SLMAP: variants seen among roughly 807,000 people sequenced by gnomAD.
SLMAP encodes the protein sarcolemma associated protein.
In SLMAP, 44 loss-of-function variants were observed where a neutral mutation model predicts 128.8. The observed-to-expected ratio is 0.34, with a 90% CI of 0.27 to 0.44. The LOEUF (loss-of-function observed/expected upper bound fraction) is 0.44. Among genes scored for constraint, SLMAP ranks in the 20% least tolerant of loss-of-function variants. The pLI, the probability that SLMAP is intolerant of heterozygous loss-of-function variation, is 1.00. For missense variants in SLMAP, 787 were observed against 985.3 expected (o/e 0.80, Z 2.69); for synonymous variants, 327 against 348.8 (o/e 0.94, Z 0.70).
At chr3:57,845,550 A>G (rs763817104) in intron 4 of SLMAP, among the ~76,000 whole-genome samples, 1 of 152,192 alleles carries the variant, frequency 6.6e-6, no homozygotes, top group Admixed American at 6.6e-5. Context: ...TACTCAGTCA[A>G]CCTTCAAGCT....
chr3:57,887,154 G>A lies in SLMAP; in HGVS notation c.1301-2887G>A, dbSNP rs368202342. ...GCACCAGGAATAAAGAGAAGATTCC[G>A]AAACCTTCTAGAGAGAAACAAAGGA... On this transcript the variant is annotated intron_variant, in intron 14 of 24. Transcript: ENST00000671191. 2.3e-4 allele frequency among the ~76,000 whole-genome samples: 35 copies of A among 151,770 alleles called. No homozygotes were observed. The South Asian group carries it at 5.4e-3, about 23-fold the overall frequency.
intron 14 of SLMAP, among the ~76,000 whole-genome samples, chr3:57,881,846 A>C (rs911177151): frequency 1.3e-5 from 2 of 152,170 alleles, no homozygotes; most frequent in African/African-American, 4.8e-5. Context: ...AATAGCAGCT[A>C]ATTAGCCAGG....
intron 2 of SLMAP, among the ~76,000 whole-genome samples, chr3:57,818,655 C>T (rs2092190326): frequency 6.6e-6 from 1 of 152,150 alleles, no homozygotes; most frequent in Non-Finnish European, 1.5e-5. Flanking sequence ...CTTGCTTTCT[C>T]TTGTTAAAAC....
At chr3:57,761,527 T>C (rs4681756) in intron 2 of SLMAP, among the ~76,000 whole-genome samples, 9,108 of 151,790 alleles carry the variant, frequency 0.06, 381 homozygotes, top group Non-Finnish European at 0.088. Context: ...ACTCCTGACC[T>C]CAGGTGATCC....
chr3:57,849,948 A>G lies in SLMAP; in HGVS notation c.519+132A>G, dbSNP rs752938461. 8.0e-5 allele frequency: 50 copies of G among 621,788 alleles called. 1 individual carries two copies. Among genetic ancestry groups the G allele is most frequent in the Non-Finnish European group, 1.3e-4 (46 of 352,020 alleles). 38.5% of individuals were successfully genotyped at this position (621,788 alleles called of 1,614,324 possible). ...CAGGACTTTGGGAGGCCTAGGCAGA[A>G]GGATTCTTTGAGGCCAAGAGTTTGA... On this transcript the variant is annotated intron_variant, in intron 6 of 24. Coordinates refer to ENST00000671191, the MANE Select transcript of SLMAP (RefSeq NM_001377540.1).
Position 57,852,815 on chromosome 3 carries a change from A to T in SLMAP, c.519+2999A>T, listed in dbSNP as rs1356829914. Among the ~76,000 whole-genome samples the T allele has an allele frequency of 2.0e-5, 3 of 152,238 alleles. No individual in the cohort carries two copies. In the East Asian group the frequency reaches 5.8e-4, roughly 29 times the overall value. The stretch of plus-strand genomic sequence containing the variant: ...CTCCCTCACTCTCTCACTCTTTCCA[A>T]CCTTCTTGTTCTGTGAATATCCCTA... On this transcript the variant is annotated intron_variant, in intron 6 of 24. Transcript: ENST00000671191.
intron 21 of SLMAP, among the ~76,000 whole-genome samples, chr3:57,916,670 GT>G (rs1312600468): frequency 1.3e-5 from 2 of 152,078 alleles, no homozygotes; most frequent in Non-Finnish European, 2.9e-5. Flanking sequence ...TCCTATTTCT[GT>G]TTTTAAAATT....
At chr3:57,853,289 C>G (rs557669637) in intron 6 of SLMAP, among the ~76,000 whole-genome samples, 1 of 152,072 alleles carries the variant, frequency 6.6e-6, no homozygotes, top group Admixed American at 6.5e-5. Context: ...ATTCTTTAAC[C>G]GATAGCTTTA....
rs372758327 is a variant in SLMAP, at chr3:57,909,106, G to A, written c.1655G>A (p.Arg552Gln). The change falls in exon 19 of 25, where the codon CGA (arginine) becomes CAA (glutamine). Residue 552 changes from arginine to glutamine, a missense_variant. Physicochemically the swap from Arg to Gln is conservative, Grantham distance 43 (BLOSUM62 1). Coordinates refer to ENST00000671191, the MANE Select transcript of SLMAP (RefSeq NM_001377540.1). ...ALLEEERKAY[R>Q]NQVEESTKQI... ...TTGGAAGAAGAAAGAAAAGCCTATC[G>A]AAATCAAGTTGAGGAATCCACTAAA... 20 of 1,611,598 alleles carry A rather than the reference G, an allele frequency of 1.2e-5. No individual in the cohort carries two copies. Among genetic ancestry groups the A allele is most frequent in the Middle Eastern group, 3.3e-4 (2 of 6,074 alleles).
At chr3:57,785,721 C>T (rs2083952959) in intron 2 of SLMAP, among the ~76,000 whole-genome samples, 1 of 152,110 alleles carries the variant, frequency 6.6e-6, no homozygotes, top group South Asian at 2.1e-4. Flanking sequence ...TGAATACCAC[C>T]TAAAGTGGTA....
At chr3:57,882,779 TGA>T (rs1291951935) in intron 14 of SLMAP, among the ~76,000 whole-genome samples, 4 of 152,132 alleles carry the variant, frequency 2.6e-5, no homozygotes, top group African/African-American at 9.7e-5. Context: ...TTTCTAAGGG[TGA>T]GAGAGTTTGG....
chr3:57,921,905 A>G (rs1170646332), intron 22 of SLMAP, among the ~76,000 whole-genome samples: 1 of 152,030 alleles, frequency 6.6e-6, no homozygotes, highest in Non-Finnish European at 1.5e-5. Context: ...GGGTTTTGCC[A>G]TGTTGGCCAG....
At chr3:57,839,853 C>A (rs1417174195) in intron 3 of SLMAP, among the ~76,000 whole-genome samples, 1 of 152,106 alleles carries the variant, frequency 6.6e-6, no homozygotes, top group Non-Finnish European at 1.5e-5. Flanking sequence ...CCATGCCTGG[C>A]CTAATTTTTG....
chr3:57,897,187 T>A (rs1575917982), intron 17 of SLMAP: 2 of 1,052,634 alleles, frequency 1.9e-6, no homozygotes, highest in Non-Finnish European at 2.5e-6. Flanking sequence ...TGCAGCTGTG[T>A]TTTTTGTTTA....
intron 6 of SLMAP, among the ~76,000 whole-genome samples, chr3:57,852,815 A>G (rs1356829914): frequency 3.3e-5 from 5 of 152,120 alleles, no homozygotes; most frequent in East Asian, 3.8e-4. Context: ...ACTCTTTCCA[A>G]CCTTCTTGTT....
At chr3:57,826,532 C>T (rs776759195) in intron 2 of SLMAP, among the ~76,000 whole-genome samples, 4 of 152,092 alleles carry the variant, frequency 2.6e-5, no homozygotes, top group Non-Finnish European at 5.9e-5. Context: ...TGGTGGCTTC[C>T]TTTCCCCTTC....
chr3:57,800,156 G>C (rs1480551007), intron 2 of SLMAP: 1 of 152,120 alleles, frequency 6.6e-6, no homozygotes, highest in African/African-American at 2.4e-5. Flanking sequence ...TATCAACATC[G>C]GTTTCCTTTC....
chr3:57,806,223 A>C (rs755054321), intron 2 of SLMAP, among the ~76,000 whole-genome samples: 2 of 151,140 alleles, frequency 1.3e-5, no homozygotes, highest in African/African-American at 2.4e-5. Flanking sequence ...CTGCCCCCCA[A>C]CTGGCCCTGG....
At chr3:57,918,385 A>G (rs1246744584) in intron 22 of SLMAP, 1 of 152,234 alleles carries the variant, frequency 6.6e-6, no homozygotes, top group East Asian at 1.9e-4. Context: ...TCGGTGCAAG[A>G]TGCTTTAACT....
Sources: gnomAD v4.1 joint callset for allele counts (sites outside exome capture counted in the v4.1 genomes callset) on GRCh38, gnomAD v4.1.1 for gene constraint, MANE v1.5 for transcripts, NCBI Gene and HGNC (gene_info 2026-07-23, HGNC 2026-07-21) for gene names.